The following DNAAF1 variants were observed in gnomAD, a reference collection of about 807,000 sequenced individuals.
DNAAF1 encodes the protein dynein axonemal assembly factor 1, also known as dynein assembly factor 1, axonemal.
Under a neutral mutation model 71.1 loss-of-function variants are expected in DNAAF1, and 65 were observed. The ratio of observed to expected loss-of-function variants is 0.91; its 90% CI spans 0.75 to 1.12. DNAAF1 has a LOEUF of 1.12. Ranked by LOEUF, DNAAF1 falls within the 50% of genes most tolerant of loss-of-function variation. DNAAF1 has a pLI of 0.00. For synonymous variants in DNAAF1, 414 were observed against 354.6 expected, an observed-to-expected ratio of 1.17 and a Z score of -1.88; for missense variants, 1,178 against 899.8, an observed-to-expected ratio of 1.31 and a Z score of -3.96.
chr16:84,165,098 G>C (rs937312083), intron 6 of DNAAF1, among the ~76,000 whole-genome samples: 7 of 151,928 alleles, frequency 4.6e-5, no homozygotes, highest in African/African-American at 1.7e-4. Context: ...GTTTTTTATT[G>C]CGTTGTTTCC....
rs991219163 is a variant in DNAAF1 at position 84,154,498 on chromosome 16, G to A, written c.353-79G>A. 12 of 1,255,814 alleles carry A rather than the reference G, an allele frequency of 9.6e-6. No homozygotes were observed. In the East Asian group the frequency reaches 1.9e-4, roughly 20 times the overall value. 77.8% of individuals were successfully genotyped at this position (1,255,814 alleles called of 1,614,324 possible). A position where few individuals can be genotyped will look rare whatever the true frequency, so the allele number is the denominator to read the frequency against. On this transcript the variant is annotated intron_variant, in intron 3 of 11. Coordinates refer to ENST00000378553, the MANE Select transcript of DNAAF1 (RefSeq NM_178452.6). The stretch of plus-strand genomic sequence containing the variant: ...GGACACAGACATTCAGTTCCTAATA[G>A]TAGGCAAAAACAAGGGTGACCGTGA...
At position 84,177,902 on chromosome 16, in the gene DNAAF1, A is replaced by C. The variant is rs917185319; in HGVS notation, c.*61A>C. ...CATAAATGTCTCCCTTAGGCATGAT[A>C]AACATTTTAACACCCACGCGAGTCA... On this transcript the variant is annotated 3_prime_UTR_variant, in exon 12 of 12. Transcript: ENST00000378553. 1.6e-5 allele frequency: 23 copies of C among 1,411,570 alleles called. No homozygotes were observed. In the East Asian group the frequency reaches 5.0e-4, roughly 31 times the overall value. 87.4% of individuals were successfully genotyped at this position (1,411,570 alleles called of 1,614,324 possible).
rs566279701 is a variant in DNAAF1 at position 84,170,218 on chromosome 16, C to T, written c.1390C>T (p.Pro464Ser). The T allele has an allele frequency of 8.7e-6, 14 of 1,612,000 alleles. No individual in the cohort carries two copies. The highest frequency in any genetic ancestry group is 1.7e-4 in the Middle Eastern group (1 of 6,052). The change falls in exon 8 of 12, where the codon CCA becomes TCA. Residue 464 changes from proline to serine, a missense_variant. Physicochemically the swap from Pro to Ser is moderately conservative, Grantham distance 74. Transcript: ENST00000378553. ...EVKGEDGDQE[P>S]EGTLPAETLL... ...TAAAGGAGAGGATGGAGATCAAGAG[C>T]CAGAGGGGACCCTCCCAGCTGAGAC...
intron 6 of DNAAF1, among the ~76,000 whole-genome samples, chr16:84,163,875 TGGGGGACAGCG>T (rs1567552500): frequency 4.0e-5 from 6 of 149,462 alleles, no homozygotes; most frequent in Non-Finnish European, 3.0e-5. Context: ...TTTTTTTTTG[TGGGGGACAGCG>T]TTTTGCTCTG....
chr16:84,159,808 A>C lies in DNAAF1; in HGVS notation c.863+12A>C, dbSNP rs746748903. On this transcript the variant is annotated intron_variant, in intron 6 of 11. Transcript: ENST00000378553. Reference sequence around the variant, plus strand: ...TTTCCAAAGGACAGGTAAGAAGAGAAAAGCCTTCTGATCACATTTTAATAT... The same window carrying C: ...TTTCCAAAGGACAGGTAAGAAGAGACAAGCCTTCTGATCACATTTTAATAT... 4 of 1,613,414 alleles carry C rather than the reference A, an allele frequency of 2.5e-6. No individual in the cohort carries two copies. The highest frequency in any genetic ancestry group is 3.4e-6 in the Non-Finnish European group (4 of 1,179,674).
At chr16:84,170,387 C>T (rs2088267164) in intron 8 of DNAAF1, 31 bp downstream of exon 8, 1 of 1,613,116 alleles carries the variant, frequency 6.2e-7, no homozygotes, top group South Asian at 1.1e-5. Flanking sequence ...CACACAGACA[C>T]ACACACCTCT....
intron 9 of DNAAF1, chr16:84,174,273 T>C (rs1414334579): frequency 3.7e-6 from 4 of 1,081,258 alleles, no homozygotes; most frequent in East Asian, 7.3e-5. Context: ...TCCTACAAGT[T>C]TTGGGGAGGT....
At chr16:84,157,339 A>G (rs939989397) in intron 5 of DNAAF1, among the ~76,000 whole-genome samples, 2 of 151,846 alleles carry the variant, frequency 1.3e-5, no homozygotes, top group African/African-American at 4.8e-5. Context: ...CCTGGTCAAC[A>G]TGGCAAAACC....
chr16:84,150,599 T>A (rs1423574379), intron 3 of DNAAF1, among the ~76,000 whole-genome samples: 1 of 146,708 alleles, frequency 6.8e-6, no homozygotes, highest in East Asian at 1.9e-4. Flanking sequence ...CCTAAGGAAT[T>A]TTTTTTTCTT....
chr16:84,150,365 G>C (rs769790374), intron 3 of DNAAF1, 23 bp downstream of exon 3: 1 of 1,541,406 alleles, frequency 6.5e-7, no homozygotes, highest in Non-Finnish European at 9.0e-7. Context: ...GAGAGGAAGT[G>C]CTTCACGTCA....
At chr16:84,173,329 T>G (rs2088468781) in intron 9 of DNAAF1, 1 of 618,430 alleles carries the variant, frequency 1.6e-6, no homozygotes, top group Non-Finnish European at 2.0e-6. Flanking sequence ...CCAGGTGTGG[T>G]GATGGGCACC....
chr16:84,177,694 C>T (rs1156339417), intron 11 of DNAAF1, 35 bp from the exon 12 acceptor site: 1 of 1,573,510 alleles, frequency 6.4e-7, no homozygotes. Context: ...GTCACAGTGA[C>T]AGGGAGAAAG....
At chr16:84,145,992 G>A (rs1206439597) in intron 1 of DNAAF1, among the ~76,000 whole-genome samples, 5 of 152,258 alleles carry the variant, frequency 3.3e-5, no homozygotes, top group South Asian at 2.1e-4. Context: ...AGCTACTTGG[G>A]AGGCTGAGGC....
chr16:84,159,695 A>G lies in DNAAF1; in HGVS notation c.762A>G (p.Gly254=). 6.2e-7 allele frequency: 1 copy of G among 1,613,576 alleles called. No individual in the cohort carries two copies. The highest frequency in any genetic ancestry group is 1.7e-5 in the Admixed American group (1 of 59,984). The part of the protein sequence containing the change: ...MPDLRVLNLM[G]NPVIRQIPNY... ...TGCAGCGTGTACTGAATTTGATGGG[A>G]AACCCGGTTATCAGACAGATTCCTA... The change falls in exon 6 of 12, where the codon GGA becomes GGG. Residue 254 remains glycine, a synonymous_variant. Transcript: ENST00000378553.
intron 6 of DNAAF1, among the ~76,000 whole-genome samples, chr16:84,161,373 G>A (rs1234412160): frequency 2.0e-5 from 3 of 152,138 alleles, no homozygotes; most frequent in Non-Finnish European, 2.9e-5. Flanking sequence ...CAGCTCAGGA[G>A]TCAGATTAAC....
chr16:84,170,155 C>A lies in DNAAF1; in HGVS notation c.1327C>A (p.Pro443Thr), dbSNP rs921838061. The A allele has an allele frequency of 6.3e-7, 1 of 1,585,918 alleles. No individual in the cohort carries two copies. The highest frequency in any genetic ancestry group is 1.7e-5 in the Admixed American group (1 of 58,758). Residue 443 changes from proline to threonine, a missense_variant, in exon 8 of 12, where the codon CCA (proline) becomes ACA (threonine). Physicochemically the swap from Pro to Thr is conservative, Grantham distance 38. Transcript: ENST00000378553. ...AGATGGAGAGCCAGAGGGGACCCTC[C>A]CAGCTGAGGCCCCACCACCCCCGCC... Reference protein sequence around the residue: ...DGDGEPEGTLPAEAPPPPPPV... With the variant: ...DGDGEPEGTLTAEAPPPPPPV...
Position 84,145,494 on chromosome 16 carries a change from C to T in DNAAF1, c.54C>T (p.Cys18=), listed in dbSNP as rs1282963935. The T allele has an allele frequency of 6.4e-7, 1 of 1,569,524 alleles. No homozygotes were observed. Residue 18 remains cysteine (C), a synonymous_variant, in exon 1 of 12, where the codon TGC becomes TGT. Transcript: ENST00000378553. ...CAGGTGGTGCAGCAGAGCTGGATTG[C>T]GCGCAGGAGCCCGGCGTGGAGGAGT... The part of the protein sequence containing the change: ...PATGGAAELD[C]AQEPGVEESA...
intron 9 of DNAAF1, chr16:84,172,817 AGCTTAGGC>A: frequency 7.6e-6 from 8 of 1,051,658 alleles, no homozygotes; most frequent in East Asian, 1.6e-4. Context: ...CCCAGCAGGT[AGCTTAGGC>A]TCTCACTGGC....
rs901619120 is a variant in DNAAF1 at position 84,159,850 on chromosome 16, C to A, written c.863+54C>A. 5 of 1,598,604 alleles carry A rather than the reference C, an allele frequency of 3.1e-6. No individual in the cohort carries two copies. The African/African-American group carries it at 6.7e-5, about 21-fold the overall frequency. On this transcript the variant is annotated intron_variant, in intron 6 of 11. Coordinates refer to ENST00000378553, the MANE Select transcript of DNAAF1 (RefSeq NM_178452.6). ...TTTTAATATTTAGTAGTTGACCATG[C>A]TTAATATTAAACTTTTTAAATTTCT...
Sources: allele counts gnomAD v4.1 joint callset (sites outside exome capture counted in the v4.1 genomes callset), GRCh38; gene constraint gnomAD v4.1.1; transcripts MANE v1.5; gene names NCBI Gene and HGNC (gene_info 2026-07-23, HGNC 2026-07-21).